The following ZWILCH variants were observed in gnomAD, a reference collection of about 807,000 sequenced individuals.
The protein encoded by ZWILCH is zwilch kinetochore protein.
A neutral mutation model predicts 79.9 loss-of-function variants in ZWILCH; 74 were observed. That is an observed-to-expected ratio of 0.93 (90% CI 0.77 to 1.12). The LOEUF is 1.12. Ranked by LOEUF, ZWILCH falls within the 50% of genes most tolerant of loss-of-function variation. The pLI is 0.00. For missense variants in ZWILCH, 694 were observed against 687.5 expected (o/e 1.01, Z -0.11); for synonymous variants, 241 against 228.2 (o/e 1.06, Z -0.51).
chr15:66,515,979 T>C (rs1430137638), intron 4 of ZWILCH, among the ~76,000 whole-genome samples: 2 of 152,216 alleles, frequency 1.3e-5, no homozygotes, highest in African/African-American at 4.8e-5. Flanking sequence ...TTAAAATCCT[T>C]TAGAGGTTCT....
At chr15:66,514,222 G>A (rs1484663613) in intron 3 of ZWILCH, 139 bp downstream of exon 3, 2 of 482,736 alleles carry the variant, frequency 4.1e-6, no homozygotes, top group Non-Finnish European at 7.4e-6. Flanking sequence ...GTGTAGTGCT[G>A]TCCAGTACAA....
At chr15:66,513,738 A>T (rs1894155126) in intron 2 of ZWILCH, among the ~76,000 whole-genome samples, 1 of 151,854 alleles carries the variant, frequency 6.6e-6, no homozygotes, top group Admixed American at 6.6e-5. Context: ...CGCCTGGCTA[A>T]TTTTTTGTAT....
In ZWILCH at chr15:66,546,685, G is replaced by A; in HGVS notation, c.*6G>A. On this transcript the variant is annotated 3_prime_UTR_variant, in exon 18 of 19. Coordinates refer to ENST00000307897, the MANE Select transcript of ZWILCH (RefSeq NM_017975.5). The stretch of plus-strand genomic sequence containing the variant: ...GCCAGGTGCATTTCAAGTGAAGTGT[G>A]CTGATGAAGTCCTCTATAAGGTATT... 1 of 1,594,442 alleles carries A rather than the reference G, an allele frequency of 6.3e-7. No individual in the cohort carries two copies. The highest frequency in any genetic ancestry group is 8.6e-7 in the Non-Finnish European group (1 of 1,168,608).
At chr15:66,544,458 A>G (rs1247013368) in intron 17 of ZWILCH, among the ~76,000 whole-genome samples, 2 of 151,492 alleles carry the variant, frequency 1.3e-5, no homozygotes, top group Non-Finnish European at 2.9e-5. Flanking sequence ...CAGCGTCCCA[A>G]GTAGCTTGGG....
chr15:66,535,796 AG>A (rs1894996370), intron 14 of ZWILCH, 136 bp from the exon 15 acceptor site: 2 of 648,674 alleles, frequency 3.1e-6, no homozygotes, highest in African/African-American at 3.8e-5. Context: ...AATTCTATCT[AG>A]CTTCTTCTGG....
At position 66,548,587 on chromosome 15, in the gene ZWILCH, A is replaced by G. The variant is rs1198071053; in HGVS notation, c.*263A>G. Reference sequence around the variant, plus strand: ...TACCACGATCTCCGTAACCATTTGCATGTGACTTAGCAAGGGCTCTGAAAT... The same window carrying G: ...TACCACGATCTCCGTAACCATTTGCGTGTGACTTAGCAAGGGCTCTGAAAT... On this transcript the variant is annotated 3_prime_UTR_variant, in exon 19 of 19. Transcript: ENST00000307897. The G allele has an allele frequency of 2.5e-6, 4 of 1,606,650 alleles. No individual in the cohort carries two copies. The highest frequency in any genetic ancestry group is 4.5e-5 in the East Asian group (2 of 44,858).
chr15:66,512,961 T>G (rs1894123074), intron 2 of ZWILCH, among the ~76,000 whole-genome samples: 1 of 152,094 alleles, frequency 6.6e-6, no homozygotes, highest in Non-Finnish European at 1.5e-5. Context: ...GCCTGCCTGA[T>G]ATTTTGTAGT....
chr15:66,547,195 T>C (rs1017835054), intron 18 of ZWILCH: 6 of 132,236 alleles, frequency 4.5e-5, no homozygotes, highest in Non-Finnish European at 9.5e-5. Flanking sequence ...ATTTTCTTTT[T>C]TTTTTTTTTT....
chr15:66,534,763 G>A lies in ZWILCH; in HGVS notation c.1342-1170G>A, dbSNP rs548595386. Among the ~76,000 whole-genome samples the A allele has an allele frequency of 6.6e-5, 10 of 152,316 alleles. 1 individual carries two copies. In the South Asian group the frequency reaches 1.2e-3, roughly 19 times the overall value. The stretch of plus-strand genomic sequence containing the variant: ...GAAGTTGCTCTGGGTGGGTCAGTGA[G>A]TGAGTGGTGAGTGAATGTGAAGGTG... On this transcript the variant is annotated intron_variant, in intron 14 of 18. Transcript: ENST00000307897.
At chr15:66,533,743 C>CAT (rs1894926401) in intron 14 of ZWILCH, among the ~76,000 whole-genome samples, 1 of 151,756 alleles carries the variant, frequency 6.6e-6, no homozygotes, top group Admixed American at 6.6e-5. Flanking sequence ...CACACACACA[C>CAT]ACAAACATAC....
Position 66,529,554 on chromosome 15 carries a change from G to A in ZWILCH, c.1136G>A (p.Arg379His), listed in dbSNP as rs781621042. The change falls in exon 12 of 19, where the codon CGT becomes CAT. Residue 379 changes from arginine to histidine, a missense_variant. Arg to His is a conservative substitution (Grantham distance 29). Coordinates refer to ENST00000307897, the MANE Select transcript of ZWILCH (RefSeq NM_017975.5). ...CFTLIIQSLQRGDIQPWLHSG... is the reference protein window; with the variant it reads ...CFTLIIQSLQHGDIQPWLHSG... ...ACATTGATCATCCAGAGTCTACAAC[G>A]TGGTGATATACAGCCATGGGTAGGT... 18 of 1,613,616 alleles carry A rather than the reference G, an allele frequency of 1.1e-5. No individual in the cohort carries two copies. The highest frequency in any genetic ancestry group is 6.7e-5 in the African/African-American group (5 of 74,894).
chr15:66,515,744 C>G, intron 4 of ZWILCH, 100 bp downstream of exon 4: 1 of 784,780 alleles, frequency 1.3e-6, no homozygotes, highest in Non-Finnish European at 2.2e-6. Flanking sequence ...CTTATATCTT[C>G]CTTCATCTCC....
intron 5 of ZWILCH, among the ~76,000 whole-genome samples, chr15:66,519,445 T>C (rs1321754665): frequency 1.3e-5 from 2 of 152,210 alleles, no homozygotes; most frequent in Non-Finnish European, 1.5e-5. Context: ...CTTTATTTTT[T>C]ATTTGTGTTT....
chr15:66,529,629 G>C, intron 12 of ZWILCH, 56 bp downstream of exon 12: 1 of 1,387,254 alleles, frequency 7.2e-7, no homozygotes. Context: ...ATGATGTAAA[G>C]ACACAGGCTC....
chr15:66,532,348 G>A lies in ZWILCH; in HGVS notation c.1257G>A (p.Met419Ile). The A allele has an allele frequency of 6.2e-7, 1 of 1,611,532 alleles. No individual in the cohort carries two copies. The highest frequency in any genetic ancestry group is 1.1e-5 in the South Asian group (1 of 90,710). ...VSLSGTIPVQ[M>I]LLEIGLDKLK... ...TCAGTGGGACTATTCCAGTTCAAAT[G>A]CTTTTGGAAATTGGTTTGGACAAAC... is the stretch of plus-strand genomic sequence containing the variant. Residue 419 changes from methionine to isoleucine, a missense_variant, in exon 13 of 19, where the codon ATG becomes ATA. By Grantham distance (10) the Met-to-Ile change is conservative. Coordinates refer to ENST00000307897, the MANE Select transcript of ZWILCH (RefSeq NM_017975.5).
At chr15:66,520,551 G>T in intron 5 of ZWILCH, 39 bp from the exon 6 acceptor site, 1 of 1,059,334 alleles carries the variant, frequency 9.4e-7, no homozygotes, top group South Asian at 1.3e-5. Flanking sequence ...ATGTAATTTT[G>T]AGTTGTGCCT....
chr15:66,544,009 C>T (rs1360048549), intron 17 of ZWILCH, among the ~76,000 whole-genome samples: 1 of 152,026 alleles, frequency 6.6e-6, no homozygotes, highest in African/African-American at 2.4e-5. Context: ...CCTGTAATCC[C>T]AGCACTTTGG....
chr15:66,522,080 C>T lies in ZWILCH; in HGVS notation c.747+875C>T, dbSNP rs1214658805. On this transcript the variant is annotated intron_variant, in intron 7 of 18. Coordinates refer to ENST00000307897, the MANE Select transcript of ZWILCH (RefSeq NM_017975.5). ...GGGTGTGGTGTTGTGTGCCTGTAGT[C>T]CCAACTACTCGGGAGGCTGAGGCAG... Among the ~76,000 whole-genome samples, 4 of 151,832 alleles carry T rather than the reference C, an allele frequency of 2.6e-5. No homozygotes were observed. In the South Asian group the frequency reaches 6.2e-4, roughly 24 times the overall value.
At chr15:66,508,809 TTC>T (rs748350749) in intron 1 of ZWILCH, 30 bp from the exon 2 acceptor site, 2 of 1,613,434 alleles carry the variant, frequency 1.2e-6, no homozygotes, top group Admixed American at 1.7e-5. Context: ...GATAATGTAG[TTC>T]TGTTTTTCAC....
Sources: allele counts gnomAD v4.1 joint callset (sites outside exome capture counted in the v4.1 genomes callset), GRCh38; gene constraint gnomAD v4.1.1; transcripts MANE v1.5; gene names NCBI Gene and HGNC (gene_info 2026-07-23, HGNC 2026-07-21).